The following MBD1 variants were observed in gnomAD, a reference collection of about 807,000 sequenced individuals.
MBD1 encodes methyl-CpG binding domain protein 1.
In MBD1, 25 loss-of-function variants were observed where a neutral mutation model predicts 82.6. The observed-to-expected ratio is 0.30, with a 90% CI of 0.22 to 0.42. The LOEUF (loss-of-function observed/expected upper bound fraction) is 0.42. MBD1 is among the 10% of genes least tolerant of loss of function. The pLI is 1.00. For synonymous variants in MBD1, 301 were observed against 303.7 expected (o/e 0.99, Z 0.09); for missense variants, 627 against 819.6 (o/e 0.76, Z 2.87).
chr18:50,272,866 T>A lies in MBD1; in HGVS notation c.1674A>T (p.Lys558Asn), dbSNP rs755329795. 3.3e-5 allele frequency: 54 copies of A among 1,614,032 alleles called. No homozygotes were observed. Among genetic ancestry groups the A allele is most frequent in the Non-Finnish European group, 4.5e-5 (53 of 1,180,012 alleles). ...CTCCTGCCTCTTCCTCTGGGGCCAA[T>A]TTGGAGGCAGAATCATCCTTGTTCT... ...KEENKDDSAS[K>N]LAPEEEAGGA... is the part of the protein sequence containing the mutation. The change falls in exon 14 of 17, where the codon AAA becomes AAT. Residue 558 changes from lysine (K) to asparagine (N), a missense_variant. This residue lies in a region of MBD1 where 265 missense variants were observed against 278.4 expected (regional missense o/e 0.95). Transcript: ENST00000269468.
intron 8 of MBD1, 171 bp from the exon 9 acceptor site, chr18:50,275,416 T>C (rs759526272): frequency 6.2e-7 from 1 of 1,605,160 alleles, no homozygotes; most frequent in Non-Finnish European, 8.5e-7. Flanking sequence ...ACATCTCTGA[T>C]GACGGCGACG....
At chr18:50,271,315 T>C (rs1234076520) in intron 16 of MBD1, 154 bp downstream of exon 16, 10 of 1,524,122 alleles carry the variant, frequency 6.6e-6, no homozygotes, top group Middle Eastern at 4.2e-4. Flanking sequence ...TTACTTCTTC[T>C]AGAAGCTCAA....
chr18:50,271,220 C>G (rs558293346), intron 16 of MBD1: 4 of 1,358,740 alleles, frequency 2.9e-6, no homozygotes, highest in East Asian at 2.9e-5. Context: ...CCAGCTCCCC[C>G]ACCCTTAAAA....
intron 15 of MBD1, 50 bp downstream of exon 15, chr18:50,272,627 C>T (rs377269367): frequency 6.2e-7 from 1 of 1,602,376 alleles, no homozygotes; most frequent in Non-Finnish European, 8.6e-7. Flanking sequence ...TCAGGGCCCA[C>T]ATCTGGCCAA....
At chr18:50,272,781 C>A in intron 14 of MBD1, 43 bp from the exon 15 acceptor site, 1 of 1,614,230 alleles carries the variant, frequency 6.2e-7, no homozygotes, top group African/African-American at 1.3e-5. Context: ...GTTGTTGGGG[C>A]TACAGCAGGG....
At chr18:50,268,112 G>T (rs533742826), downstream of MBD1, among the ~76,000 whole-genome samples, 19 of 152,212 alleles carry the variant, frequency 1.2e-4, no homozygotes, top group Non-Finnish European at 2.1e-4. Flanking sequence ...CCAGAGGGGC[G>T]GTTCTTTGAT....
chr18:50,277,046 G>C (rs1001134332), intron 3 of MBD1, 44 bp downstream of exon 3: 1 of 1,613,760 alleles, frequency 6.2e-7, no homozygotes, highest in Non-Finnish European at 8.5e-7. Flanking sequence ...TGGGTGTTGG[G>C]TGGCACATCC....
chr18:50,274,801 G>A (rs899584147), intron 10 of MBD1, among the ~76,000 whole-genome samples, 176 bp downstream of exon 10: 1 of 152,152 alleles, frequency 6.6e-6, no homozygotes, highest in African/African-American at 2.4e-5. Flanking sequence ...GTGACATGAA[G>A]CACTCTCATG....
At chr18:50,276,212 T>C (rs1228956475) in intron 6 of MBD1, 166 bp downstream of exon 6, 3 of 839,258 alleles carry the variant, frequency 3.6e-6, no homozygotes, top group Non-Finnish European at 3.9e-6. Context: ...GTAATGGGGA[T>C]TAATTACCCC....
At chr18:50,271,317 G>C in intron 16 of MBD1, 152 bp downstream of exon 16, 1 of 1,523,588 alleles carries the variant, frequency 6.6e-7, no homozygotes, top group Non-Finnish European at 8.7e-7. Flanking sequence ...ACTTCTTCTA[G>C]AAGCTCAAAG....
At chr18:50,275,802 G>A (rs374910382) in intron 7 of MBD1, 33 bp downstream of exon 7, 120 of 1,614,062 alleles carry the variant, frequency 7.4e-5, no homozygotes, top group Non-Finnish European at 9.9e-5. Flanking sequence ...GGGCCGAGGT[G>A]AGCCTTGGGC....
At position 50,281,514 on chromosome 18, in the gene MBD1, C is replaced by A; in HGVS notation, c.-177G>T. On this transcript the variant is annotated 5_prime_UTR_variant, in exon 1 of 17. Coordinates refer to ENST00000269468, the MANE Select transcript of MBD1 (RefSeq NM_015846.4). Reference sequence around the variant, plus strand: ...GGTAGCTGTCGCCTCCGCGGCTGTTCGTTGCTCCCGGAACCGGAAGTCCGC... The same window carrying A: ...GGTAGCTGTCGCCTCCGCGGCTGTTAGTTGCTCCCGGAACCGGAAGTCCGC... 1.7e-6 allele frequency: 1 copy of A among 578,676 alleles called. No individual in the cohort carries two copies. Among genetic ancestry groups the A allele is most frequent in the South Asian group, 2.2e-5 (1 of 46,498 alleles). The allele number at this position is 578,676 out of a possible 1,614,324, so 35.8% of individuals were successfully genotyped here.
In MBD1 at chr18:50,273,805, G is replaced by C; in HGVS notation, c.1205C>G (p.Pro402Arg). ...ESEDGAGSPPPYRRRKRPSSA... is the reference protein window; with the variant it reads ...ESEDGAGSPPRYRRRKRPSSA... ...GCTGGGCCTCTTTCGACGACGGTAA[G>C]GTGGGGGCGATCCTGCCCCATCCTC... Residue 402 changes from proline to arginine, a missense_variant, in exon 12 of 17, where the codon CCT (proline) becomes CGT (arginine). Transcript: ENST00000269468. The C allele has an allele frequency of 1.2e-6, 2 of 1,613,876 alleles. No homozygotes were observed. The highest frequency in any genetic ancestry group is 2.2e-5 in the East Asian group (1 of 44,882).
chr18:50,279,904 C>T lies in MBD1; in HGVS notation c.89G>A (p.Arg30His), dbSNP rs764375971. 1.9e-6 allele frequency: 3 copies of T among 1,613,980 alleles called. No individual in the cohort carries two copies. The highest frequency in any genetic ancestry group is 2.5e-6 in the Non-Finnish European group (3 of 1,180,012). ...GTACCTCTGGTAATAGGTGTCTGAG[C>T]GTCCACAGGTGGCCCCTGACTTGCG... The part of the protein sequence containing the change: ...VFRKSGATCG[R>H]SDTYYQSPTG... Residue 30 changes from arginine (R) to histidine (H), a missense_variant, in exon 2 of 17, where the codon CGC becomes CAC. By Grantham distance (29) the Arg-to-His change is conservative (BLOSUM62 0). Transcript: ENST00000269468.
Position 50,268,962 on chromosome 18 carries a change from C to T in MBD1, c.*889G>A. On this transcript the variant is annotated 3_prime_UTR_variant, in exon 17 of 17. Coordinates refer to ENST00000269468, the MANE Select transcript of MBD1 (RefSeq NM_015846.4). ...ACAAGGTTCACAAAAGGGCTGTCCT[C>T]CCAACAATTTTCTGAATTCTATATA... The T allele has an allele frequency of 1.0e-6, 1 of 985,018 alleles. No individual in the cohort carries two copies. Among genetic ancestry groups the T allele is most frequent in the Non-Finnish European group, 1.2e-6 (1 of 829,538 alleles). The allele number at this position is 985,018 out of a possible 1,614,324, so 61.0% of individuals were successfully genotyped here.
Position 50,273,428 on chromosome 18 carries a change from T to C in MBD1, c.1490A>G (p.Gln497Arg), listed in dbSNP as rs370432566. The C allele has an allele frequency of 1.2e-6, 2 of 1,614,170 alleles. No individual in the cohort carries two copies. The highest frequency in any genetic ancestry group is 1.7e-6 in the Non-Finnish European group (2 of 1,180,024). Residue 497 changes from glutamine (Q) to arginine (R), a missense_variant, in exon 13 of 17, where the codon CAG becomes CGG. This residue lies in a region of MBD1 where 265 missense variants were observed against 278.4 expected (regional missense o/e 0.95). Transcript: ENST00000269468. ...SGLSWVVALPQVKQEKADTQD... is the reference protein window; with the variant it reads ...SGLSWVVALPRVKQEKADTQD... ...GGTATCCGCCTTCTCTTGCTTCACCTGGGGTAAGGCCACAACCCAACTCAG... is the reference window on the plus strand; with the variant it reads ...GGTATCCGCCTTCTCTTGCTTCACCCGGGGTAAGGCCACAACCCAACTCAG...
chr18:50,278,774 C>T (rs368900980), intron 2 of MBD1, among the ~76,000 whole-genome samples: 11 of 152,296 alleles, frequency 7.2e-5, no homozygotes, highest in African/African-American at 2.6e-4. Flanking sequence ...AGAAGAAATA[C>T]AGGGTTAGGT....
rs2035499937 is a variant in MBD1, at chr18:50,271,481, A to T, written c.*20T>A. The T allele has an allele frequency of 6.2e-7, 1 of 1,614,026 alleles. No homozygotes were observed. Among genetic ancestry groups the T allele is most frequent in the Admixed American group, 1.7e-5 (1 of 60,004 alleles). On this transcript the variant is annotated 3_prime_UTR_variant, in exon 16 of 17. Transcript: ENST00000269468. Reference sequence around the variant, plus strand: ...CTGCAAATATCACCTTGAATCCTACAGTCTGTAGAAGCCTCCAGTCTACTG... The same window carrying T: ...CTGCAAATATCACCTTGAATCCTACTGTCTGTAGAAGCCTCCAGTCTACTG...
Position 50,274,998 on chromosome 18 carries a change from G to GTAA in MBD1, c.954_956dup (p.Tyr319dup). The GTAA allele has an allele frequency of 6.2e-7, 1 of 1,614,228 alleles. No homozygotes were observed. Among genetic ancestry groups the GTAA allele is most frequent in the Non-Finnish European group, 8.5e-7 (1 of 1,180,040 alleles). ...TCACTAGCTCGTCCTCGTCTACACA[G>GTAA]TAATAGATGAACTCGGCAGGTGGCG... On this transcript the variant is annotated inframe_insertion, in exon 10 of 17. Transcript: ENST00000269468.
Sources: allele counts gnomAD v4.1 joint callset (sites outside exome capture counted in the v4.1 genomes callset), GRCh38; gene constraint gnomAD v4.1.1; regional missense constraint gnomAD v4.1.1; transcripts MANE v1.5; gene names NCBI Gene and HGNC (gene_info 2026-07-23, HGNC 2026-07-21).